The following SH3PXD2B variants were observed in gnomAD, a reference collection of about 807,000 sequenced individuals.
SH3PXD2B encodes the protein SH3 and PX domains 2B.
Under a neutral mutation model 73.1 loss-of-function variants are expected in SH3PXD2B, and 37 were observed. That is an observed-to-expected ratio of 0.51 (90% CI 0.39 to 0.67). The LOEUF is 0.67. Among genes scored for constraint, SH3PXD2B ranks in the 30% least tolerant of loss-of-function variants. SH3PXD2B has a pLI of 0.00. For synonymous variants in SH3PXD2B, 457 were observed against 480.5 expected, an observed-to-expected ratio of 0.95 and a Z score of 0.64; for missense variants, 1,053 against 1,197.8, an observed-to-expected ratio of 0.88 and a Z score of 1.78.
chr5:172,373,961 C>A (rs955686263), intron 5 of SH3PXD2B, 146 bp from the exon 6 acceptor site: 3 of 856,120 alleles, frequency 3.5e-6, no homozygotes, highest in South Asian at 1.7e-5. Context: ...CTAGAGGAAC[C>A]CTGACTTCTT....
rs946801232 is a variant in SH3PXD2B at position 172,335,559 on chromosome 5, C to T, written c.*2810G>A. On this transcript the variant is annotated 3_prime_UTR_variant, in exon 13 of 13. Coordinates refer to ENST00000311601, the MANE Select transcript of SH3PXD2B (RefSeq NM_001017995.3). ...GGTCCTATCCGCCTCACAGGCTTGC[C>T]GTAAGGATTAAAGGAGCGTGTGTGT... 22 of 1,231,520 alleles carry T rather than the reference C, an allele frequency of 1.8e-5. No homozygotes were observed. Among genetic ancestry groups the T allele is most frequent in the Middle Eastern group, 3.1e-4 (1 of 3,230 alleles). 76.3% of individuals were successfully genotyped at this position (1,231,520 alleles called of 1,614,324 possible).
At chr5:172,410,073 C>T (rs568509097) in intron 2 of SH3PXD2B, among the ~76,000 whole-genome samples, 146 of 152,338 alleles carry the variant, frequency 9.6e-4, no homozygotes, top group African/African-American at 3.4e-3. Context: ...TGATTCCACA[C>T]CTTGGCTGCT....
At position 172,333,528 on chromosome 5, in the gene SH3PXD2B, ACTTT is replaced by A. The variant is rs1365189313; in HGVS notation, c.*4837_*4840del. The A allele has an allele frequency of 2.6e-6, 3 of 1,148,436 alleles. No individual in the cohort carries two copies. Among genetic ancestry groups the A allele is most frequent in the East Asian group, 7.1e-5 (1 of 14,182 alleles). The allele number at this position is 1,148,436 out of a possible 1,614,324, so 71.1% of individuals were successfully genotyped here. A position where few individuals can be genotyped will look rare whatever the true frequency, so the allele number is the denominator to read the frequency against. ...TGATGAAGCTTGAAACCAGTCAAGC[ACTTT>A]TTTTATTTAAAAAAAAAAAAAGGAA... is the stretch of plus-strand genomic sequence containing the variant. On this transcript the variant is annotated 3_prime_UTR_variant, in exon 13 of 13. Coordinates refer to ENST00000311601, the MANE Select transcript of SH3PXD2B (RefSeq NM_001017995.3).
At chr5:172,369,517 C>G (rs967944908) in intron 6 of SH3PXD2B, among the ~76,000 whole-genome samples, 1 of 152,120 alleles carries the variant, frequency 6.6e-6, no homozygotes. Flanking sequence ...CGCCTGTAAT[C>G]CCAGCACTTT....
rs548201898 is a variant in SH3PXD2B at position 172,392,742 on chromosome 5, G to A, written c.309+1821C>T. 4.6e-5 allele frequency among the ~76,000 whole-genome samples: 7 copies of A among 152,290 alleles called. No homozygotes were observed. In the South Asian group the frequency reaches 1.0e-3, roughly 23 times the overall value. On this transcript the variant is annotated intron_variant, in intron 4 of 12. Transcript: ENST00000311601. ...GGAGGTTGTAGTGAGCCGAGATGGC[G>A]CCACGGCACTCCAGCCTGGGCAACA...
chr5:172,409,205 C>T (rs1427930004), intron 2 of SH3PXD2B, among the ~76,000 whole-genome samples: 2 of 152,038 alleles, frequency 1.3e-5, no homozygotes, highest in Non-Finnish European at 2.9e-5. Flanking sequence ...AACAGTGAAA[C>T]CCCCTCTCCA....
At chr5:172,347,925 C>T (rs567012632) in intron 10 of SH3PXD2B, among the ~76,000 whole-genome samples, 14 of 152,264 alleles carry the variant, frequency 9.2e-5, no homozygotes, top group Admixed American at 4.6e-4. Context: ...TTTATACTCT[C>T]GAGGCAGCTG....
rs1005622644 is a variant in SH3PXD2B, at chr5:172,334,420, C to T, written c.*3949G>A. 11 of 988,516 alleles carry T rather than the reference C, an allele frequency of 1.1e-5. No homozygotes were observed. Among genetic ancestry groups the T allele is most frequent in the Non-Finnish European group, 1.2e-5 (10 of 832,512 alleles). The allele number at this position is 988,516 out of a possible 1,614,324, so 61.2% of individuals were successfully genotyped here. On this transcript the variant is annotated 3_prime_UTR_variant, in exon 13 of 13. Coordinates refer to ENST00000311601, the MANE Select transcript of SH3PXD2B (RefSeq NM_001017995.3). ...GCATGCTGCTCTACCTCTCATCAGC[C>T]CACAGTCTGACACGAGGTCATCTTT... is the stretch of plus-strand genomic sequence containing the variant.
Position 172,339,950 on chromosome 5 carries a change from C to T in SH3PXD2B, c.1189-34G>A, listed in dbSNP as rs752098204. 15 of 1,613,316 alleles carry T rather than the reference C, an allele frequency of 9.3e-6. No individual in the cohort carries two copies. Among genetic ancestry groups the T allele is most frequent in the Middle Eastern group, 1.7e-4 (1 of 6,060 alleles). On this transcript the variant is annotated intron_variant, in intron 12 of 12. Coordinates refer to ENST00000311601, the MANE Select transcript of SH3PXD2B (RefSeq NM_001017995.3). This position sits in a 1 kb window ranked among gnomAD's most constrained non-coding sequence, Gnocchi z 6.1. The stretch of plus-strand genomic sequence containing the variant: ...GAGGATAGAGAAAGGCACTTGGCTA[C>T]GATGCCAGGGCCAGCAGATGGAATG...
At chr5:172,396,616 CTTTTT>C (rs34169390) in intron 3 of SH3PXD2B, among the ~76,000 whole-genome samples, 1 of 126,504 alleles carries the variant, frequency 7.9e-6, no homozygotes, top group Non-Finnish European at 1.7e-5. Flanking sequence ...GAGAGAAAGC[CTTTTT>C]TTTTTTTTTT....
At chr5:172,418,747 T>C (rs904222269) in intron 2 of SH3PXD2B, among the ~76,000 whole-genome samples, 1 of 152,244 alleles carries the variant, frequency 6.6e-6, no homozygotes, top group Non-Finnish European at 1.5e-5. Context: ...TCTGGGACTC[T>C]GAGCCTGGAT....
intron 1 of SH3PXD2B, among the ~76,000 whole-genome samples, chr5:172,431,536 A>G (rs184406390): frequency 3.3e-4 from 50 of 152,378 alleles, no homozygotes; most frequent in Non-Finnish European, 5.9e-5. Context: ...TTGTGCAACT[A>G]AAACAATTCC....
At chr5:172,442,389 G>A (rs895090505) in intron 1 of SH3PXD2B, among the ~76,000 whole-genome samples, 2 of 151,938 alleles carry the variant, frequency 1.3e-5, no homozygotes, top group African/African-American at 2.4e-5. Flanking sequence ...ATGAGATGGC[G>A]GTCATTTCTC....
At chr5:172,422,302 T>C (rs1758985761) in intron 2 of SH3PXD2B, 114 bp downstream of exon 2, 1 of 1,014,330 alleles carries the variant, frequency 9.9e-7, no homozygotes, top group East Asian at 2.7e-5. Flanking sequence ...GCCATGGATG[T>C]CATTTTTAAG....
At chr5:172,411,754 A>G (rs1466268516) in intron 2 of SH3PXD2B, among the ~76,000 whole-genome samples, 1 of 151,926 alleles carries the variant, frequency 6.6e-6, no homozygotes, top group Non-Finnish European at 1.5e-5. Context: ...TGTTATTTTG[A>G]AAGTTATTTG....
intron 4 of SH3PXD2B, among the ~76,000 whole-genome samples, chr5:172,390,757 G>T (rs1020317065): frequency 1.3e-5 from 2 of 151,848 alleles, no homozygotes; most frequent in South Asian, 2.1e-4. Flanking sequence ...GTGGTCATAT[G>T]ACAAGTTTAA....
intron 2 of SH3PXD2B, among the ~76,000 whole-genome samples, chr5:172,413,261 T>C (rs1561929647): frequency 6.6e-6 from 1 of 152,222 alleles, no homozygotes; most frequent in Non-Finnish European, 1.5e-5. Context: ...GGGCCTAGTC[T>C]ACCATCTGTG....
At chr5:172,331,474 C>T (rs1011838006), downstream of SH3PXD2B, among the ~76,000 whole-genome samples, 2 of 152,036 alleles carry the variant, frequency 1.3e-5, no homozygotes, top group Non-Finnish European at 2.9e-5. Flanking sequence ...AGTTGCAAGA[C>T]GCTGAAGAAT....
chr5:172,379,078 A>G (rs937492709), intron 5 of SH3PXD2B, among the ~76,000 whole-genome samples: 1 of 150,996 alleles, frequency 6.6e-6, no homozygotes, highest in Non-Finnish European at 1.5e-5. Context: ...TCAAAAAAAA[A>G]AAAAAAAAAA....
Sources: gnomAD v4.1 joint callset for allele counts (sites outside exome capture counted in the v4.1 genomes callset) on GRCh38, gnomAD v4.1.1 for gene constraint, Gnocchi (gnomAD v3.1) non-coding constraint, MANE v1.5 for transcripts, NCBI Gene and HGNC (gene_info 2026-07-23, HGNC 2026-07-21) for gene names.